Variants in MYO15A observed in about 807,000 individuals in gnomAD.
The protein encoded by MYO15A is myosin XVA.
A neutral mutation model predicts 394.6 loss-of-function variants in MYO15A; 308 were observed. That is an observed-to-expected ratio of 0.78 (90% CI 0.71 to 0.86). The LOEUF is 0.86. Among genes scored for constraint, MYO15A ranks in the 40% least tolerant of loss-of-function variants. MYO15A has a pLI of 0.00. For missense variants in MYO15A, 4,606 were observed against 4,799.1 expected (o/e 0.96, Z 1.19); for synonymous variants, 1,957 against 2,003.8 (o/e 0.98, Z 0.62).
At position 18,179,525 on chromosome 17, in the gene MYO15A, C is replaced by T. The variant is rs1046436644; in HGVS notation, c.*655C>T. ...CCCACTCCTTGGGTATCCCCAACCCCAGACCCCCATCACTTGATGGGCCAC... is the reference window on the plus strand; with the variant it reads ...CCCACTCCTTGGGTATCCCCAACCCTAGACCCCCATCACTTGATGGGCCAC... On this transcript the variant is annotated 3_prime_UTR_variant, in exon 66 of 66. Transcript: ENST00000647165. 1.3e-5 allele frequency: 2 copies of T among 156,820 alleles called. No homozygotes were observed. The highest frequency in any genetic ancestry group is 2.4e-5 in the African/African-American group (1 of 41,472). 9.7% of individuals were successfully genotyped at this position (156,820 alleles called of 1,614,324 possible). A position where few individuals can be genotyped will look rare whatever the true frequency, so the allele number is the denominator to read the frequency against.
chr17:18,166,711 G>C (rs559970732), intron 61 of MYO15A, among the ~76,000 whole-genome samples, 190 bp downstream of exon 61: 64 of 152,312 alleles, frequency 4.2e-4, no homozygotes, highest in Non-Finnish European at 5.0e-4. Flanking sequence ...ACCTTTGAGA[G>C]CCTTTGCGCA....
Position 18,141,909 on chromosome 17 carries a change from C to G in MYO15A, c.5649+139C>G, listed in dbSNP as rs1413279234. The stretch of plus-strand genomic sequence containing the variant: ...GCTTGGGATATGGAATGCTAACTAC[C>G]TGATTCACCAGCATCCTCTCTTCAA... On this transcript the variant is annotated intron_variant, in intron 23 of 65. Transcript: ENST00000647165. 4 of 1,192,220 alleles carry G rather than the reference C, an allele frequency of 3.4e-6. No homozygotes were observed. In the Admixed American group the frequency reaches 6.9e-5, roughly 20 times the overall value. 73.9% of individuals were successfully genotyped at this position (1,192,220 alleles called of 1,614,324 possible).
chr17:18,141,666 G>C lies in MYO15A; in HGVS notation c.5545G>C (p.Val1849Leu). 2 of 1,614,034 alleles carry C rather than the reference G, an allele frequency of 1.2e-6. No individual in the cohort carries two copies. Among genetic ancestry groups the C allele is most frequent in the Non-Finnish European group, 1.7e-6 (2 of 1,179,998 alleles). Reference protein sequence around the residue: ...QGFIDRYCCLVALKHDLPANG... With the variant: ...QGFIDRYCCLLALKHDLPANG... ...GCCCCCTACCAGGTACTGCTGTCTA[G>C]TGGCCCTCAAGCATGACCTGCCGGC... Residue 1849 changes from valine (V) to leucine (L), a missense_variant, in exon 23 of 66, where the codon GTG (valine) becomes CTG (leucine). Physicochemically the swap from Val to Leu is conservative, Grantham distance 32 (BLOSUM62 1). This residue lies in a region of MYO15A where 2,776 missense variants were observed against 3,109.3 expected (regional missense o/e 0.89). Transcript: ENST00000647165.
At chr17:18,123,876 A>G (rs2045984033) in intron 2 of MYO15A, 1 of 162,220 alleles carries the variant, frequency 6.2e-6, no homozygotes, top group Non-Finnish European at 1.4e-5. Flanking sequence ...CCAAGTGGAC[A>G]GGTAGAGCAT....
chr17:18,158,680 C>G, intron 52 of MYO15A, 42 bp downstream of exon 52: 1 of 1,599,524 alleles, frequency 6.3e-7, no homozygotes, highest in Non-Finnish European at 8.6e-7. Context: ...TGGGAGGGTG[C>G]TGGGCTTCTT....
rs1597768360 is a variant in MYO15A at position 18,126,383 on chromosome 17, T to C, written c.3793T>C (p.Tyr1265His). Reference protein sequence around the residue: ...IGSILVSVNPYQMFGIYGPEQ... With the variant: ...IGSILVSVNPHQMFGIYGPEQ... Reference sequence around the variant, plus strand: ...GAGCATCCTGGTGTCGGTGAACCCATACCAAATGTTTGGAATCTATGGGCC... The same window carrying C: ...GAGCATCCTGGTGTCGGTGAACCCACACCAAATGTTTGGAATCTATGGGCC... The change falls in exon 5 of 66, where the codon TAC (tyrosine) becomes CAC (histidine). Residue 1265 changes from tyrosine (Y) to histidine (H), a missense_variant. Tyr to His is a moderately conservative substitution (Grantham distance 83). Around this residue, in one of 2 missense-constraint regions of MYO15A, gnomAD observed 2,776 missense variants for 3,109.3 expected, o/e 0.89. Coordinates refer to ENST00000647165, the MANE Select transcript of MYO15A (RefSeq NM_016239.4). 6.2e-7 allele frequency: 1 copy of C among 1,613,596 alleles called. No individual in the cohort carries two copies. The highest frequency in any genetic ancestry group is 1.3e-5 in the African/African-American group (1 of 74,800).
At chr17:18,169,693 A>G (rs1380641168) in intron 62 of MYO15A, 1 of 152,166 alleles carries the variant, frequency 6.6e-6, no homozygotes, top group African/African-American at 2.4e-5. Flanking sequence ...ATATCAATGA[A>G]TATATTTACC....
At chr17:18,172,485 C>T (rs1377192214) in intron 64 of MYO15A, 195 bp downstream of exon 64, 5 of 828,186 alleles carry the variant, frequency 6.0e-6, no homozygotes, top group South Asian at 3.0e-5. Context: ...TTGAGCCCCA[C>T]CCATAGGGCT....
rs376467285 is a variant in MYO15A, at chr17:18,145,855, C to T, written c.6274-17C>T. 269 of 1,611,782 alleles carry T rather than the reference C, an allele frequency of 1.7e-4. No individual in the cohort carries two copies. In the Middle Eastern group the frequency reaches 1.8e-3, roughly 11 times the overall value. ...ACAACTTTCTGAGATGCCCAGGAGA[C>T]TCTGTTCGTGGCCCAGATCCTGCGC... is the stretch of plus-strand genomic sequence containing the variant. On this transcript the variant is annotated splice_polypyrimidine_tract_variant and intron_variant, in intron 29 of 65. Transcript: ENST00000647165.
chr17:18,156,845 G>C (rs933866888), intron 48 of MYO15A, 109 bp from the exon 49 acceptor site: 1 of 986,108 alleles, frequency 1.0e-6, no homozygotes, highest in East Asian at 2.5e-5. Context: ...CCTAATGAAG[G>C]CTCCCTTCCC....
chr17:18,144,562 C>A lies in MYO15A; in HGVS notation c.6243C>A (p.His2081Gln). Reference sequence around the variant, plus strand: ...CCCTCACGCAGCTGCCAGCCGAGCACCATGCAGAAGCCGTGAGCATCTTCA... The same window carrying A: ...CCCTCACGCAGCTGCCAGCCGAGCAACATGCAGAAGCCGTGAGCATCTTCA... ...RTPLTQLPAE[H>Q]HAEAVSIFKL... is the part of the protein sequence containing the mutation. The change falls in exon 29 of 66, where the codon CAC becomes CAA. Residue 2081 changes from histidine (H) to glutamine (Q), a missense_variant. His to Gln is a conservative substitution (Grantham distance 24). This residue lies in a region of MYO15A where 2,776 missense variants were observed against 3,109.3 expected (regional missense o/e 0.89). Coordinates refer to ENST00000647165, the MANE Select transcript of MYO15A (RefSeq NM_016239.4). The A allele has an allele frequency of 1.2e-6, 2 of 1,613,156 alleles. No individual in the cohort carries two copies. The highest frequency in any genetic ancestry group is 1.7e-6 in the Non-Finnish European group (2 of 1,180,016).
At chr17:18,110,717 T>C (rs531223746) in intron 1 of MYO15A, among the ~76,000 whole-genome samples, 7 of 152,332 alleles carry the variant, frequency 4.6e-5, no homozygotes, top group African/African-American at 1.7e-4. Context: ...TGCGAAACAG[T>C]GACCAAAGTC....
At chr17:18,110,603 A>G (rs1033611558) in intron 1 of MYO15A, 2 of 152,192 alleles carry the variant, frequency 1.3e-5, no homozygotes, top group African/African-American at 4.8e-5. Flanking sequence ...CGGCTGAGGG[A>G]TCTAACCTCT....
chr17:18,177,300 A>G (rs1950808912), intron 65 of MYO15A: 1 of 152,292 alleles, frequency 6.6e-6, no homozygotes, highest in South Asian at 2.1e-4. Flanking sequence ...TCTGGGAGGT[A>G]ATCAGGGAGA....
chr17:18,154,853 A>G (rs2046647201), intron 45 of MYO15A, 98 bp downstream of exon 45: 2 of 1,343,802 alleles, frequency 1.5e-6, no homozygotes, highest in East Asian at 4.8e-5. Flanking sequence ...GCCCAGGCCC[A>G]CCATCTCCCA....
chr17:18,142,341 A>AAGC, intron 24 of MYO15A, 87 bp downstream of exon 24: 1 of 1,455,902 alleles, frequency 6.9e-7, no homozygotes, highest in Non-Finnish European at 9.4e-7. Context: ...TGAGCTCCCT[A>AAGC]TCCCTGGAGG....
In MYO15A at chr17:18,140,633, G is replaced by C. The variant is rs2046361598; in HGVS notation, c.5328G>C (p.Gln1776His). ...ACACTGTGGCCGCCAAGTTCCAGCA[G>C]TCACTCCTGGATCTGGTGGAAAAGA... is the stretch of plus-strand genomic sequence containing the variant. ...KAHTVAAKFQQSLLDLVEKME... is the reference protein window; with the variant it reads ...KAHTVAAKFQHSLLDLVEKME... Residue 1776 changes from glutamine to histidine, a missense_variant, in exon 20 of 66, where the codon CAG (glutamine) becomes CAC (histidine). Gln to His is a conservative substitution (Grantham distance 24). Coordinates refer to ENST00000647165, the MANE Select transcript of MYO15A (RefSeq NM_016239.4). The C allele has an allele frequency of 6.2e-7, 1 of 1,613,886 alleles. No individual in the cohort carries two copies. The highest frequency in any genetic ancestry group is 8.5e-7 in the Non-Finnish European group (1 of 1,180,040).
intron 13 of MYO15A, 116 bp downstream of exon 13, chr17:18,135,940 G>T (rs2142316284): frequency 1.0e-6 from 1 of 971,190 alleles, no homozygotes; most frequent in Non-Finnish European, 1.6e-6. Context: ...CTCTGTCCCT[G>T]GGTCAGGCAT....
chr17:18,121,183 C>A lies in MYO15A; in HGVS notation c.2383C>A (p.Pro795Thr). 6.6e-7 allele frequency: 1 copy of A among 1,512,628 alleles called. No individual in the cohort carries two copies. Among genetic ancestry groups the A allele is most frequent in the South Asian group, 1.2e-5 (1 of 81,690 alleles). The allele number at this position is 1,512,628 out of a possible 1,614,324, so 93.7% of individuals were successfully genotyped here. A position where few individuals can be genotyped will look rare whatever the true frequency, so the allele number is the denominator to read the frequency against. ...GLGYCSPLAP[P>T]SPQLSLRTGP... is the part of the protein sequence containing the mutation. Reference sequence around the variant, plus strand: ...CGGCTACTGCTCACCCTTGGCGCCCCCGTCGCCTCAGCTGTCCTTGCGCAC... The same window carrying A: ...CGGCTACTGCTCACCCTTGGCGCCCACGTCGCCTCAGCTGTCCTTGCGCAC... The change falls in exon 2 of 66, where the codon CCG (proline) becomes ACG (threonine). Residue 795 changes from proline to threonine, a missense_variant. Pro to Thr is a conservative substitution (Grantham distance 38, BLOSUM62 -1). Transcript: ENST00000647165. The surrounding 1 kb of genome is among the most constrained non-coding windows in gnomAD (Gnocchi z 5.3).
Sources: allele counts gnomAD v4.1 joint callset (sites outside exome capture counted in the v4.1 genomes callset), GRCh38; gene constraint gnomAD v4.1.1; regional missense constraint gnomAD v4.1.1; non-coding constraint Gnocchi (gnomAD v3.1); transcripts MANE v1.5; gene names NCBI Gene and HGNC (gene_info 2026-07-23, HGNC 2026-07-21).